Variants in MBD5 observed in about 807,000 individuals in gnomAD.
MBD5 encodes methyl-CpG-binding domain protein 5.
Under a neutral mutation model 117.3 loss-of-function variants are expected in MBD5, and 13 were observed. That is an observed-to-expected ratio of 0.11 (90% CI 0.07 to 0.18). The LOEUF is 0.18. Ranked by LOEUF, MBD5 falls within the 10% of genes least tolerant of loss-of-function variation. The pLI is 1.00. For synonymous variants in MBD5, 727 were observed against 766.4 expected (o/e 0.95, Z 0.85); for missense variants, 1,879 against 2,093.8 (o/e 0.90, Z 2.00).
intron 2 of MBD5, among the ~76,000 whole-genome samples, chr2:148,193,125 G>A (rs1359724162): frequency 1.1e-5 from 1 of 91,906 alleles, no homozygotes; most frequent in Non-Finnish European, 2.2e-5. Flanking sequence ...CAAACAAATG[G>A]AAGAACATTC....
chr2:148,511,119 A>G (rs533146899), intron 13 of MBD5, among the ~76,000 whole-genome samples: 1 of 152,254 alleles, frequency 6.6e-6, no homozygotes, highest in African/African-American at 2.4e-5. Context: ...TTCTTTCTGT[A>G]TCTAGTGACC....
intron 2 of MBD5, among the ~76,000 whole-genome samples, chr2:148,189,173 C>T (rs1272171287): frequency 6.8e-6 from 1 of 147,092 alleles, no homozygotes; most frequent in Non-Finnish European, 1.5e-5. Flanking sequence ...GGCAACGAGG[C>T]TGGGGGAGGG....
intron 8 of MBD5, among the ~76,000 whole-genome samples, chr2:148,482,013 G>A (rs866613914): frequency 3.2e-4 from 48 of 152,070 alleles, no homozygotes; most frequent in African/African-American, 9.2e-4. Context: ...TACGCAATCA[G>A]AATGGTAAAG....
intron 2 of MBD5, among the ~76,000 whole-genome samples, chr2:148,184,794 C>T (rs1046592783): frequency 2.6e-5 from 4 of 152,174 alleles, no homozygotes; most frequent in Non-Finnish European, 4.4e-5. Context: ...CTGGCATTTT[C>T]AGTGAGCTCA....
At chr2:148,412,945 T>A (rs888270845) in intron 4 of MBD5, among the ~76,000 whole-genome samples, 8 of 152,128 alleles carry the variant, frequency 5.3e-5, no homozygotes, top group African/African-American at 1.9e-4. Flanking sequence ...TCAATGACTT[T>A]TATTTCTTTC....
intron 1 of MBD5, among the ~76,000 whole-genome samples, chr2:148,047,148 A>G (rs1694555961): frequency 6.6e-6 from 1 of 152,156 alleles, no homozygotes; most frequent in Admixed American, 6.5e-5. Context: ...TTATCAAATC[A>G]TCCTGGCCAT....
At chr2:148,160,510 T>C (rs1403104283) in intron 1 of MBD5, among the ~76,000 whole-genome samples, 3 of 152,172 alleles carry the variant, frequency 2.0e-5, no homozygotes, top group Non-Finnish European at 4.4e-5. Context: ...CATTATGTGC[T>C]ATAAAGAACA....
chr2:148,164,262 G>A (rs1186716124), intron 1 of MBD5, among the ~76,000 whole-genome samples: 1 of 152,092 alleles, frequency 6.6e-6, no homozygotes, highest in East Asian at 1.9e-4. Flanking sequence ...ACAGGGGAGA[G>A]GTTTGATACA....
chr2:148,295,009 T>C (rs1701615371), intron 3 of MBD5, among the ~76,000 whole-genome samples: 1 of 152,240 alleles, frequency 6.6e-6, no homozygotes, highest in Non-Finnish European at 1.5e-5. Context: ...TTCACTTTGA[T>C]GTGTCTGAGT....
chr2:148,080,419 T>C (rs1695619587), intron 1 of MBD5, among the ~76,000 whole-genome samples: 1 of 152,198 alleles, frequency 6.6e-6, no homozygotes, highest in African/African-American at 2.4e-5. Flanking sequence ...TTTATTAATT[T>C]TATTCAACAG....
At chr2:148,348,347 C>T (rs1359950173) in intron 4 of MBD5, among the ~76,000 whole-genome samples, 2 of 152,008 alleles carry the variant, frequency 1.3e-5, no homozygotes, top group African/African-American at 4.8e-5. Flanking sequence ...AGAACTATCC[C>T]TGGTTAACTC....
chr2:148,081,267 A>G (rs911970811), intron 1 of MBD5, among the ~76,000 whole-genome samples: 1 of 152,112 alleles, frequency 6.6e-6, no homozygotes, highest in Non-Finnish European at 1.5e-5. Context: ...AGGGTTCTTG[A>G]CTGTCTTTTA....
At chr2:148,451,554 A>C (rs1391655626) in intron 4 of MBD5, among the ~76,000 whole-genome samples, 1 of 152,138 alleles carries the variant, frequency 6.6e-6, no homozygotes, top group East Asian at 1.9e-4. Flanking sequence ...AACAAGCATA[A>C]TTCAGCCAAT....
intron 3 of MBD5, among the ~76,000 whole-genome samples, chr2:148,250,416 A>G (rs1700438753): frequency 6.6e-6 from 1 of 152,216 alleles, no homozygotes; most frequent in Admixed American, 6.5e-5. Context: ...CTGTGTAACA[A>G]ACCTGCACAT....
chr2:148,133,558 T>G (rs1182258160), intron 1 of MBD5, among the ~76,000 whole-genome samples: 1 of 152,270 alleles, frequency 6.6e-6, no homozygotes, highest in African/African-American at 2.4e-5. Flanking sequence ...GCACAGTGGC[T>G]CACGCCTGTA....
At chr2:148,326,209 T>A (rs1702446046) in intron 3 of MBD5, among the ~76,000 whole-genome samples, 1 of 152,248 alleles carries the variant, frequency 6.6e-6, no homozygotes, top group South Asian at 2.1e-4. Context: ...TATAGTTTGT[T>A]ATAATTTCTG....
chr2:148,343,950 T>C (rs543164704), intron 4 of MBD5, among the ~76,000 whole-genome samples: 4 of 152,210 alleles, frequency 2.6e-5, no homozygotes, highest in South Asian at 2.1e-4. Flanking sequence ...AGTTCTTACA[T>C]TGAAATCTTT....
At position 148,079,800 on chromosome 2, in the gene MBD5, T is replaced by C. The variant is rs961212955; in HGVS notation, c.-925+58116T>C. ...TAACCCCGGGAGGCGGAGGTTGCAG[T>C]GAGCTGAGATCGCACCATTGCACTC... On this transcript the variant is annotated intron_variant, in intron 1 of 13. Transcript: ENST00000642680. Among the ~76,000 whole-genome samples, 43 of 151,884 alleles carry C rather than the reference T, an allele frequency of 2.8e-4. 1 individual carries two copies. The highest frequency in any genetic ancestry group is 5.7e-4 in the Non-Finnish European group (39 of 67,982).
intron 3 of MBD5, among the ~76,000 whole-genome samples, chr2:148,312,121 T>C (rs926270140): frequency 6.6e-6 from 1 of 152,178 alleles, no homozygotes; most frequent in Non-Finnish European, 1.5e-5. Context: ...CTGACCATTA[T>C]GTGTCTTGTG....
Sources: allele counts gnomAD v4.1 joint callset (sites outside exome capture counted in the v4.1 genomes callset), GRCh38; gene constraint gnomAD v4.1.1; transcripts MANE v1.5; gene names NCBI Gene and HGNC (gene_info 2026-07-23, HGNC 2026-07-21).